Variants in EBF1 observed in about 807,000 individuals in gnomAD.
The protein encoded by EBF1 is EBF transcription factor 1, also known as transcription factor COE1.
EBF1 carries 10 observed loss-of-function variants against 68.4 expected under a neutral mutation model. The observed-to-expected ratio is 0.15, with a 90% CI of 0.09 to 0.25. The LOEUF is 0.25. Ranked by LOEUF, EBF1 falls within the 10% of genes least tolerant of loss-of-function variation. The probability of loss-of-function intolerance (pLI) is 1.00; values close to 1 mark genes in which losing one functional copy is unlikely to be tolerated. For missense variants in EBF1, 509 were observed against 794.4 expected (o/e 0.64, Z 4.32); for synonymous variants, 298 against 299.8 (o/e 0.99, Z 0.06).
chr5:158,723,921 A>G (rs1359078373), intron 11 of EBF1, among the ~76,000 whole-genome samples: 1 of 152,160 alleles, frequency 6.6e-6, no homozygotes, highest in East Asian at 1.9e-4. Context: ...GTGCATGTTC[A>G]TAACGCACAC....
At chr5:158,899,640 T>C (rs1176663472) in intron 6 of EBF1, among the ~76,000 whole-genome samples, 1 of 152,242 alleles carries the variant, frequency 6.6e-6, no homozygotes, top group African/African-American at 2.4e-5. Context: ...TAACGACCAA[T>C]GCAATTGGTT....
rs374771347 is a variant in EBF1, at chr5:158,925,011, G to C, written c.555-84901C>G. Among the ~76,000 whole-genome samples the C allele has an allele frequency of 1.8e-3, 280 of 152,044 alleles. 1 individual carries two copies. The highest frequency in any genetic ancestry group is 6.6e-3 in the African/African-American group (274 of 41,448). ...GCCTACTCCTCTACAGCCATCTCTTGCCACTGTGTGCAGCTTTCTTTCTGT... is the reference window on the plus strand; with the variant it reads ...GCCTACTCCTCTACAGCCATCTCTTCCCACTGTGTGCAGCTTTCTTTCTGT... On this transcript the variant is annotated intron_variant, in intron 6 of 15. Coordinates refer to ENST00000313708, the MANE Select transcript of EBF1 (RefSeq NM_024007.5).
intron 7 of EBF1, among the ~76,000 whole-genome samples, chr5:158,838,259 C>T (rs987182141): frequency 1.3e-5 from 2 of 151,988 alleles, no homozygotes; most frequent in African/African-American, 4.8e-5. Flanking sequence ...TCCTGGCTAA[C>T]ACAGTGAAAC....
intron 1 of EBF1, among the ~76,000 whole-genome samples, chr5:159,098,360 G>T (rs1205976441): frequency 6.6e-6 from 1 of 152,200 alleles, no homozygotes; most frequent in Non-Finnish European, 1.5e-5. Flanking sequence ...GCTGGAAGGG[G>T]CCATGGTGAC....
chr5:158,720,603 CT>C (rs1287277990), intron 11 of EBF1, among the ~76,000 whole-genome samples: 7 of 152,246 alleles, frequency 4.6e-5, no homozygotes, highest in Admixed American at 1.3e-4. Context: ...GTAATATAAA[CT>C]TCTTGAAATA....
intron 11 of EBF1, among the ~76,000 whole-genome samples, chr5:158,726,509 T>C (rs1763016054): frequency 6.6e-6 from 1 of 152,208 alleles, no homozygotes. Flanking sequence ...AATGTGTATT[T>C]ATTACTCCCA....
At chr5:158,986,733 T>C (rs1759165944) in intron 6 of EBF1, 1 of 152,198 alleles carries the variant, frequency 6.6e-6, no homozygotes, top group Non-Finnish European at 1.5e-5. Flanking sequence ...TTCCTAAGAA[T>C]TTAATCTCTA....
In EBF1 at chr5:159,099,552, G is replaced by C; in HGVS notation, c.-74C>G. ...AAAAAAAAAAAAAAAGGAAAGAAAA[G>C]AAAGAAAAGAAAAGAAACAAAAACG... On this transcript the variant is annotated 5_prime_UTR_variant, in exon 1 of 16. Coordinates refer to ENST00000313708, the MANE Select transcript of EBF1 (RefSeq NM_024007.5). 16 of 1,303,484 alleles carry C rather than the reference G, an allele frequency of 1.2e-5. No individual in the cohort carries two copies. The highest frequency in any genetic ancestry group is 6.0e-5 in the East Asian group (2 of 33,274). 80.7% of individuals were successfully genotyped at this position (1,303,484 alleles called of 1,614,324 possible). A position where few individuals can be genotyped will look rare whatever the true frequency, so the allele number is the denominator to read the frequency against.
At chr5:158,854,909 A>C (rs913152694) in intron 6 of EBF1, among the ~76,000 whole-genome samples, 2 of 152,156 alleles carry the variant, frequency 1.3e-5, no homozygotes, top group East Asian at 3.9e-4. Flanking sequence ...CATTCATTCT[A>C]ATGAATTCTT....
At chr5:159,049,725 A>C (rs1480450075) in intron 6 of EBF1, among the ~76,000 whole-genome samples, 1 of 152,224 alleles carries the variant, frequency 6.6e-6, no homozygotes, top group Non-Finnish European at 1.5e-5. Flanking sequence ...GAACTCTGGA[A>C]ATTGTCCAAC....
chr5:158,714,526 C>G (rs1054087214), intron 11 of EBF1, among the ~76,000 whole-genome samples: 1 of 152,094 alleles, frequency 6.6e-6, no homozygotes, highest in Non-Finnish European at 1.5e-5. Flanking sequence ...GGTATGAATC[C>G]CTAAGATGTG....
chr5:158,942,845 G>A (rs1309641473), intron 6 of EBF1, among the ~76,000 whole-genome samples: 1 of 149,226 alleles, frequency 6.7e-6, no homozygotes, highest in African/African-American at 2.5e-5. Flanking sequence ...GCAAGAATGT[G>A]GTCGAAGGAG....
intron 6 of EBF1, among the ~76,000 whole-genome samples, chr5:158,928,451 GA>G (rs910584674): frequency 1.3e-5 from 2 of 151,894 alleles, no homozygotes; most frequent in Non-Finnish European, 2.9e-5. Context: ...TGATTCTTAT[GA>G]AAAAAAATAA....
At chr5:158,992,453 T>C (rs1760526859) in intron 6 of EBF1, among the ~76,000 whole-genome samples, 1 of 152,194 alleles carries the variant, frequency 6.6e-6, no homozygotes, top group Non-Finnish European at 1.5e-5. Context: ...ATGTGTTTTT[T>C]CTGACATGCC....
At chr5:159,042,555 G>T (rs1771413578) in intron 6 of EBF1, among the ~76,000 whole-genome samples, 1 of 150,138 alleles carries the variant, frequency 6.7e-6, no homozygotes, top group Non-Finnish European at 1.5e-5. Context: ...ACATATTACT[G>T]TTTTCCCAAA....
intron 6 of EBF1, among the ~76,000 whole-genome samples, chr5:158,994,107 G>T (rs1313686106): frequency 6.6e-6 from 1 of 152,170 alleles, no homozygotes; most frequent in East Asian, 1.9e-4. Context: ...CATGTGGTGG[G>T]TTAATCATTC....
At chr5:158,779,231 T>C (rs1443349597) in intron 9 of EBF1, among the ~76,000 whole-genome samples, 1 of 152,074 alleles carries the variant, frequency 6.6e-6, no homozygotes, top group South Asian at 2.1e-4. Context: ...TGTATTTTTA[T>C]CCTTTTTTTT....
intron 6 of EBF1, among the ~76,000 whole-genome samples, chr5:158,920,917 T>C (rs907757134): frequency 1.2e-4 from 19 of 152,332 alleles, no homozygotes; most frequent in Non-Finnish European, 2.2e-4. Context: ...GTGTTTTAAT[T>C]TGCCTAAAAA....
At chr5:158,819,708 C>T (rs1176977781) in intron 8 of EBF1, among the ~76,000 whole-genome samples, 1 of 152,172 alleles carries the variant, frequency 6.6e-6, no homozygotes, top group Non-Finnish European at 1.5e-5. Context: ...ACTGAGAGAG[C>T]AGTTACATTT....
Sources: allele counts gnomAD v4.1 joint callset (sites outside exome capture counted in the v4.1 genomes callset), GRCh38; gene constraint gnomAD v4.1.1; transcripts MANE v1.5; gene names NCBI Gene and HGNC (gene_info 2026-07-23, HGNC 2026-07-21).